Variants in ZNF350 observed in about 807,000 individuals in gnomAD.
The protein encoded by ZNF350 is zinc finger protein 350.
In ZNF350, 5 loss-of-function variants were observed where a neutral mutation model predicts 13.1. The observed-to-expected ratio is 0.38, with a 90% CI of 0.20 to 0.80. The LOEUF (loss-of-function observed/expected upper bound fraction) is 0.80. Ranked by LOEUF, ZNF350 falls within the 30% of genes least tolerant of loss-of-function variation. The probability of loss-of-function intolerance (pLI) is 0.43; values close to 1 mark genes in which losing one functional copy is unlikely to be tolerated. For synonymous variants in ZNF350, 199 were observed against 224.2 expected, an observed-to-expected ratio of 0.89 and a Z score of 1.00; for missense variants, 534 against 644.2, an observed-to-expected ratio of 0.83 and a Z score of 1.85.
At chr19:51,983,868 G>C (rs1228715156) in intron 1 of ZNF350, among the ~76,000 whole-genome samples, 2 of 152,288 alleles carry the variant, frequency 1.3e-5, no homozygotes, top group East Asian at 1.9e-4. Context: ...CTTTCTCTCT[G>C]TGTCTGATTT....
At chr19:51,972,052 T>C (rs529023046) in intron 2 of ZNF350, among the ~76,000 whole-genome samples, 30 of 152,294 alleles carry the variant, frequency 2.0e-4, no homozygotes, top group African/African-American at 7.2e-4. Context: ...GACAGGTATA[T>C]AGACAAATGT....
rs781765781 is a variant in ZNF350, at chr19:51,965,361, AT to A, written c.1091del (p.His364LeufsTer110). On this transcript the variant is annotated frameshift_variant, in exon 5 of 5. Transcript: ENST00000243644. LOFTEE classifies it low-confidence loss of function (END_TRUNC). ...SCSQKSGLIK[H>X]QRIHTGEKPF... ...GTTTCTCTCCTGTGTGAATTCTTTG[AT>A]GTTTAATGAGACCTGATTTCTGAGA... The A allele has an allele frequency of 6.2e-7, 1 of 1,613,984 alleles. No homozygotes were observed. Among genetic ancestry groups the A allele is most frequent in the East Asian group, 2.2e-5 (1 of 44,866 alleles).
intron 4 of ZNF350, among the ~76,000 whole-genome samples, chr19:51,966,775 G>C (rs1241782616): frequency 6.6e-6 from 1 of 151,826 alleles, no homozygotes; most frequent in Non-Finnish European, 1.5e-5. Context: ...AGCCTCCCGA[G>C]TAGCTGGGAT....
chr19:51,971,524 A>G (rs1383866484), intron 2 of ZNF350, among the ~76,000 whole-genome samples: 1 of 152,234 alleles, frequency 6.6e-6, no homozygotes, highest in East Asian at 1.9e-4. Context: ...GGATGTGAGC[A>G]AACTCACCAT....
intron 2 of ZNF350, among the ~76,000 whole-genome samples, chr19:51,972,186 G>A (rs1295187231): frequency 6.6e-6 from 1 of 151,588 alleles, no homozygotes; most frequent in Non-Finnish European, 1.5e-5. Context: ...AGAGGGCCAG[G>A]CACAATGGCT....
rs776530308 is a variant in ZNF350, at chr19:51,964,817, T to G, written c.*37A>C. Reference sequence around the variant, plus strand: ...GGCCACATAATGAACTACAAATTTTTGCTCAACCCTTTTCCACATAGATCT... The same window carrying G: ...GGCCACATAATGAACTACAAATTTTGGCTCAACCCTTTTCCACATAGATCT... On this transcript the variant is annotated 3_prime_UTR_variant, in exon 5 of 5. Transcript: ENST00000243644. 1 of 1,569,350 alleles carries G rather than the reference T, an allele frequency of 6.4e-7. No individual in the cohort carries two copies.
intron 1 of ZNF350, among the ~76,000 whole-genome samples, chr19:51,975,829 A>C (rs1000442576): frequency 6.6e-6 from 1 of 152,288 alleles, no homozygotes; most frequent in African/African-American, 2.4e-5. Flanking sequence ...GGTTCAAGCA[A>C]TTCTCTGCCT....
At chr19:51,974,307 G>A (rs1334221781) in intron 2 of ZNF350, 39 bp downstream of exon 2, 1 of 1,610,098 alleles carries the variant, frequency 6.2e-7, no homozygotes, top group Non-Finnish European at 8.5e-7. Context: ...ATCTATTATG[G>A]AACAAAGGAA....
chr19:51,971,431 G>A (rs779283594), intron 2 of ZNF350, among the ~76,000 whole-genome samples: 6 of 152,182 alleles, frequency 3.9e-5, no homozygotes, highest in Non-Finnish European at 8.8e-5. Flanking sequence ...CTTACAGGGA[G>A]CCAAAGGTCC....
At chr19:51,983,036 C>T (rs776105668) in intron 1 of ZNF350, among the ~76,000 whole-genome samples, 1 of 152,200 alleles carries the variant, frequency 6.6e-6, no homozygotes. Flanking sequence ...CCATTTTAAT[C>T]TGTACAAAGA....
At position 51,965,356 on chromosome 19, in the gene ZNF350, C is replaced by T. The variant is rs566120255; in HGVS notation, c.1097G>A (p.Arg366Lys). 1.5e-5 allele frequency: 25 copies of T among 1,613,812 alleles called. No homozygotes were observed. In the South Asian group the frequency reaches 2.3e-4, roughly 15 times the overall value. The change falls in exon 5 of 5, where the codon AGA (arginine) becomes AAA (lysine). Residue 366 changes from arginine (R) to lysine (K), a missense_variant. Transcript: ENST00000243644. Reference protein sequence around the residue: ...SQKSGLIKHQRIHTGEKPFEC... With the variant: ...SQKSGLIKHQKIHTGEKPFEC... ...AAAGGGTTTCTCTCCTGTGTGAATT[C>T]TTTGATGTTTAATGAGACCTGATTT...
At position 51,974,287 on chromosome 19, in the gene ZNF350, G is replaced by T; in HGVS notation, c.15+59C>A. 5 of 1,576,102 alleles carry T rather than the reference G, an allele frequency of 3.2e-6. No homozygotes were observed. The South Asian group carries it at 5.7e-5, about 18-fold the overall frequency. ...ATATTAGTGAAATTGATGTTTATAG[G>T]CTTCTACAAATCTATTATGGAACAA... On this transcript the variant is annotated intron_variant, in intron 2 of 4. Transcript: ENST00000243644.
intron 1 of ZNF350, among the ~76,000 whole-genome samples, chr19:51,975,440 A>AAAC (rs1158805188): frequency 2.0e-5 from 3 of 150,882 alleles, no homozygotes; most frequent in Admixed American, 6.6e-5. Context: ...AAAAAAAAAA[A>AAAC]AAAAAAAAAA....
chr19:51,972,718 T>G (rs1021106216), intron 2 of ZNF350, among the ~76,000 whole-genome samples: 6 of 151,820 alleles, frequency 4.0e-5, no homozygotes, highest in African/African-American at 1.2e-4. Flanking sequence ...TATATAGACA[T>G]AGATCCACAA....
intron 2 of ZNF350, among the ~76,000 whole-genome samples, chr19:51,972,726 C>G (rs2085776457): frequency 6.6e-6 from 1 of 151,996 alleles, no homozygotes; most frequent in Admixed American, 6.5e-5. Flanking sequence ...CATAGATCCA[C>G]AAACAGATAC....
rs748068937 is a variant in ZNF350, at chr19:51,972,293, T to TA, written c.15+2052dup. ...CAACATGACAAGACCCCATCTCAAT[T>TA]AAAAAAAAAAAAAAAAGGAAAAAAG... On this transcript the variant is annotated intron_variant, in intron 2 of 4. Coordinates refer to ENST00000243644, the MANE Select transcript of ZNF350 (RefSeq NM_021632.4). Among the ~76,000 whole-genome samples the TA allele has an allele frequency of 2.5e-3, 262 of 106,186 alleles. 1 individual carries two copies. Among genetic ancestry groups the TA allele is most frequent in the African/African-American group, 5.8e-3 (171 of 29,262 alleles). 69.7% of individuals were successfully genotyped at this position (106,186 alleles called of 152,430 possible).
At chr19:51,979,902 A>G (rs1330545094) in intron 1 of ZNF350, among the ~76,000 whole-genome samples, 2 of 152,228 alleles carry the variant, frequency 1.3e-5, no homozygotes, top group South Asian at 4.1e-4. Context: ...GGCATGGAGC[A>G]GGCTTTAGCC....
chr19:51,982,474 A>G (rs2122960109), intron 1 of ZNF350, among the ~76,000 whole-genome samples: 1 of 152,354 alleles, frequency 6.6e-6, no homozygotes, highest in East Asian at 1.9e-4. Context: ...GACATAAACG[A>G]TATCATTTAG....
At chr19:51,967,480 A>G (rs541918312) in intron 4 of ZNF350, 1 of 152,334 alleles carries the variant, frequency 6.6e-6, no homozygotes, top group Admixed American at 6.5e-5. Flanking sequence ...AAGTAATCAT[A>G]TGTGTGGAAC....
Sources: gnomAD v4.1 joint callset for allele counts (sites outside exome capture counted in the v4.1 genomes callset) on GRCh38, gnomAD v4.1.1 for gene constraint, MANE v1.5 for transcripts, NCBI Gene and HGNC (gene_info 2026-07-23, HGNC 2026-07-21) for gene names.